Variants in LRRK2 observed in about 807,000 individuals in gnomAD.
The protein encoded by LRRK2 is leucine rich repeat kinase 2.
LRRK2 carries 203 observed loss-of-function variants against 302.6 expected under a neutral mutation model. The observed-to-expected ratio is 0.67, with a 90% CI of 0.60 to 0.75. The LOEUF is 0.75. Ranked by LOEUF, LRRK2 falls within the 30% of genes least tolerant of loss-of-function variation. LRRK2 has a pLI of 0.00. For synonymous variants in LRRK2, 1,066 were observed against 1,031.9 expected (o/e 1.03, Z -0.63); for missense variants, 2,830 against 2,951.0 (o/e 0.96, Z 0.95).
At chr12:40,303,815 C>T in intron 26 of LRRK2, 133 bp from the exon 27 acceptor site, 4 of 824,796 alleles carry the variant, frequency 4.8e-6, no homozygotes, top group East Asian at 2.6e-5. Context: ...AAATCACATG[C>T]ATACTCATAT....
chr12:40,298,784 TATATATATATATATA>T (rs1359361426), intron 24 of LRRK2, among the ~76,000 whole-genome samples: 3 of 108,254 alleles, frequency 2.8e-5, no homozygotes, highest in African/African-American at 1.1e-4. Context: ...AAGAAATATA[TATATATATATATATA>T]ATATATGTAT....
chr12:40,338,427 A>C (rs1369644048), intron 40 of LRRK2, among the ~76,000 whole-genome samples: 4 of 152,234 alleles, frequency 2.6e-5, no homozygotes, highest in Non-Finnish European at 4.4e-5. Context: ...TCTCTTAGCA[A>C]CTCTTACAAT....
intron 14 of LRRK2, among the ~76,000 whole-genome samples, chr12:40,269,482 C>T (rs1943147335): frequency 6.6e-6 from 1 of 152,046 alleles, no homozygotes; most frequent in African/African-American, 2.4e-5. Context: ...AGTAGAGGTC[C>T]CTGAGGGACT....
chr12:40,295,388 T>C, intron 22 of LRRK2, 39 bp from the exon 23 acceptor site: 1 of 1,571,064 alleles, frequency 6.4e-7, no homozygotes, highest in Non-Finnish European at 8.7e-7. Context: ...TTTAAATTAT[T>C]TGCTTATATT....
At chr12:40,229,887 C>T (rs1335624413) in intron 2 of LRRK2, among the ~76,000 whole-genome samples, 1 of 147,294 alleles carries the variant, frequency 6.8e-6, no homozygotes, top group African/African-American at 2.5e-5. Flanking sequence ...CTTCACCAAC[C>T]AAAACAAACA....
intron 20 of LRRK2, among the ~76,000 whole-genome samples, chr12:40,288,290 T>G (rs1197871990): frequency 6.6e-6 from 1 of 151,834 alleles, no homozygotes; most frequent in African/African-American, 2.4e-5. Flanking sequence ...ATGCATTCAC[T>G]TTAAGTATAT....
At chr12:40,278,057 A>T (rs755544019) in intron 17 of LRRK2, 34 bp from the exon 18 acceptor site, 1 of 1,613,904 alleles carries the variant, frequency 6.2e-7, no homozygotes, top group Non-Finnish European at 8.5e-7. Context: ...TTATGTATTT[A>T]TCTGACTCTA....
intron 18 of LRRK2, among the ~76,000 whole-genome samples, chr12:40,282,999 C>A (rs73108365): frequency 0.013 from 1,951 of 152,094 alleles, 56 homozygotes; most frequent in African/African-American, 0.042. Context: ...TCTAAATACT[C>A]ATCTATAAAA....
intron 25 of LRRK2, chr12:40,300,666 G>A (rs1385212119): frequency 2.1e-4 from 83 of 394,564 alleles, no homozygotes; most frequent in Non-Finnish European, 3.1e-5. Flanking sequence ...ACTGGGGATA[G>A]AGTTGTTGAC....
At chr12:40,314,380 C>T (rs1024961054) in intron 32 of LRRK2, among the ~76,000 whole-genome samples, 10 of 151,940 alleles carry the variant, frequency 6.6e-5, no homozygotes, top group African/African-American at 2.2e-4. Context: ...ATTTAGAAAT[C>T]ACCTAGGAGT....
intron 39 of LRRK2, among the ~76,000 whole-genome samples, chr12:40,328,872 A>G (rs1317061042): frequency 6.6e-6 from 1 of 152,204 alleles, no homozygotes; most frequent in Non-Finnish European, 1.5e-5. Flanking sequence ...TCAGACTCCT[A>G]GCTGCCTCCA....
rs893182196 is a variant in LRRK2 at position 40,321,314 on chromosome 12, G to A, written c.5170+126G>A. On this transcript the variant is annotated intron_variant, in intron 35 of 50. Coordinates refer to ENST00000298910, the MANE Select transcript of LRRK2 (RefSeq NM_198578.4). ...CCATTTTCTCAGAGTTTACTTGTTT[G>A]GAAGGCAGCTGAAGAATTAGAAAAT... The A allele has an allele frequency of 1.4e-5, 13 of 933,740 alleles. No individual in the cohort carries two copies. In the African/African-American group the frequency reaches 2.2e-4, roughly 16 times the overall value. The allele number at this position is 933,740 out of a possible 1,614,324, so 57.8% of individuals were successfully genotyped here. A position where few individuals can be genotyped will look rare whatever the true frequency, so the allele number is the denominator to read the frequency against.
chr12:40,286,632 C>G (rs1368079751), intron 19 of LRRK2: 1 of 151,996 alleles, frequency 6.6e-6, no homozygotes, highest in Non-Finnish European at 1.5e-5. Flanking sequence ...TATTAGCCAA[C>G]TCATCACTGG....
At position 40,304,091 on chromosome 12, in the gene LRRK2, C is replaced by A. The variant is rs1233790021; in HGVS notation, c.3734C>A (p.Ser1245Tyr). Reference protein sequence around the residue: ...LDLSEKAYLWSRVEKLHLSHN... With the variant: ...LDLSEKAYLWYRVEKLHLSHN... ...TTGAGTGAAAAAGCATATTTATGGT[C>A]TAGAGTAGAGAAACTGCATCTTTCT... Residue 1245 changes from serine to tyrosine, a missense_variant, in exon 27 of 51, where the codon TCT becomes TAT. Physicochemically the swap from Ser to Tyr is moderately radical, Grantham distance 144. Coordinates refer to ENST00000298910, the MANE Select transcript of LRRK2 (RefSeq NM_198578.4). 3.7e-6 allele frequency: 6 copies of A among 1,613,316 alleles called. No homozygotes were observed. In the African/African-American group the frequency reaches 6.7e-5, roughly 18 times the overall value.
At position 40,274,900 on chromosome 12, in the gene LRRK2, G is replaced by A; in HGVS notation, c.1848G>A (p.Lys616=). The A allele has an allele frequency of 6.2e-7, 1 of 1,612,868 alleles. No homozygotes were observed. Among genetic ancestry groups the A allele is most frequent in the Non-Finnish European group, 8.5e-7 (1 of 1,179,020 alleles). ...GTCTTATAGGATACTTGATTACAAA[G>A]AAGAATGTGTTCATAGGAACTGGAC... ...GLSLIGYLIT[K]KNVFIGTGHL... is the part of the protein sequence containing the mutation. The change falls in exon 16 of 51, where the codon AAG becomes AAA. Residue 616 remains lysine (K), a synonymous_variant. Transcript: ENST00000298910.
At chr12:40,363,027 A>G (rs1946760587) in intron 47 of LRRK2, among the ~76,000 whole-genome samples, 1 of 152,074 alleles carries the variant, frequency 6.6e-6, no homozygotes, top group Non-Finnish European at 1.5e-5. Flanking sequence ...CATTCATGAA[A>G]CAAAGTTTTG....
chr12:40,225,800 A>G (rs557133869), intron 2 of LRRK2, among the ~76,000 whole-genome samples, 160 bp downstream of exon 2: 1 of 152,330 alleles, frequency 6.6e-6, no homozygotes, highest in Admixed American at 6.5e-5. Context: ...TTAAATCATT[A>G]CGCAATGTAA....
At chr12:40,275,389 A>G (rs961521523) in intron 16 of LRRK2, among the ~76,000 whole-genome samples, 10 of 152,142 alleles carry the variant, frequency 6.6e-5, no homozygotes, top group Non-Finnish European at 8.8e-5. Flanking sequence ...TTTTCCTTGC[A>G]GTGAAAAAAT....
intron 3 of LRRK2, among the ~76,000 whole-genome samples, chr12:40,233,418 A>T (rs1411858338): frequency 6.6e-6 from 1 of 152,184 alleles, no homozygotes; most frequent in Non-Finnish European, 1.5e-5. Flanking sequence ...AAATTTAGAC[A>T]AATTAGAGCT....
Sources: allele counts gnomAD v4.1 joint callset (sites outside exome capture counted in the v4.1 genomes callset), GRCh38; gene constraint gnomAD v4.1.1; transcripts MANE v1.5; gene names NCBI Gene and HGNC (gene_info 2026-07-23, HGNC 2026-07-21).